The following STPG2 variants were observed in gnomAD, a reference collection of about 807,000 sequenced individuals.
STPG2 encodes sperm tail PG-rich repeat containing 2, also known as sperm-tail PG-rich repeat-containing protein 2.
Under a neutral mutation model 54.2 loss-of-function variants are expected in STPG2, and 56 were observed. The observed-to-expected ratio is 1.03, with a 90% CI of 0.83 to 1.29. STPG2 has a LOEUF of 1.29. Ranked by LOEUF, STPG2 falls within the 50% of genes most tolerant of loss-of-function variation. The pLI is 0.00. For missense variants in STPG2, 596 were observed against 544.9 expected (o/e 1.09, Z -0.93); for synonymous variants, 200 against 181.8 (o/e 1.10, Z -0.81).
chr4:98,115,779 G>A (rs1739500697), intron 3 of STPG2, among the ~76,000 whole-genome samples: 1 of 151,952 alleles, frequency 6.6e-6, no homozygotes, highest in South Asian at 2.1e-4. Flanking sequence ...AGTTTGTGAA[G>A]AACCTGTGTT....
chr4:97,861,291 G>C (rs1304421651), intron 8 of STPG2, among the ~76,000 whole-genome samples: 1 of 152,032 alleles, frequency 6.6e-6, no homozygotes, highest in Non-Finnish European at 1.5e-5. Context: ...ACTATAATGA[G>C]ATATCATCTC....
chr4:97,578,936 A>G (rs1444757378), intron 10 of STPG2, among the ~76,000 whole-genome samples: 1 of 152,156 alleles, frequency 6.6e-6, no homozygotes, highest in African/African-American at 2.4e-5. Context: ...AGAATTAATT[A>G]AGATTTAAGA....
At chr4:98,045,266 T>A (rs1327660604) in intron 5 of STPG2, among the ~76,000 whole-genome samples, 1 of 152,156 alleles carries the variant, frequency 6.6e-6, no homozygotes, top group Admixed American at 6.6e-5. Flanking sequence ...GACTAGAACC[T>A]CCACTGCACG....
chr4:97,628,094 A>C (rs1415395758), intron 10 of STPG2, among the ~76,000 whole-genome samples: 3 of 152,172 alleles, frequency 2.0e-5, no homozygotes, highest in Admixed American at 2.0e-4. Flanking sequence ...ATAATGTTTA[A>C]TCTGGGCACC....
chr4:97,623,934 C>T (rs537114113), intron 10 of STPG2, among the ~76,000 whole-genome samples: 21 of 152,212 alleles, frequency 1.4e-4, no homozygotes, highest in South Asian at 8.3e-4. Flanking sequence ...TAATGGCTTC[C>T]GGCTCCATCC....
chr4:97,873,048 C>G (rs1416408750), intron 8 of STPG2, among the ~76,000 whole-genome samples: 1 of 151,156 alleles, frequency 6.6e-6, no homozygotes, highest in Non-Finnish European at 1.5e-5. Flanking sequence ...TTTCAGCACA[C>G]AGAGCTAGGA....
chr4:97,907,288 T>C (rs1731470509), intron 8 of STPG2, among the ~76,000 whole-genome samples: 1 of 151,446 alleles, frequency 6.6e-6, no homozygotes, highest in Non-Finnish European at 1.5e-5. Flanking sequence ...GAGAATAAAA[T>C]ACCTAGGAAT....
At chr4:97,806,950 G>T (rs1423830263) in intron 9 of STPG2, among the ~76,000 whole-genome samples, 1 of 152,000 alleles carries the variant, frequency 6.6e-6, no homozygotes, top group Non-Finnish European at 1.5e-5. Flanking sequence ...TAACAGGTGA[G>T]CTAATTCACA....
At chr4:98,084,252 C>T (rs1306609187) in intron 5 of STPG2, among the ~76,000 whole-genome samples, 1 of 151,960 alleles carries the variant, frequency 6.6e-6, no homozygotes, top group Non-Finnish European at 1.5e-5. Context: ...TTGAGATTTG[C>T]CATGTGGTTT....
chr4:98,018,862 GTTGT>G (rs1231485983), intron 5 of STPG2, among the ~76,000 whole-genome samples: 8 of 150,912 alleles, frequency 5.3e-5, no homozygotes, highest in South Asian at 2.1e-4. Flanking sequence ...TTTTGATGGG[GTTGT>G]TTGTTTTTTT....
chr4:97,627,195 A>C (rs913822240), intron 10 of STPG2, among the ~76,000 whole-genome samples: 24 of 152,126 alleles, frequency 1.6e-4, no homozygotes, highest in Non-Finnish European at 3.2e-4. Flanking sequence ...AAAAACAGAT[A>C]TCTGGTAAAT....
At chr4:97,695,479 G>A (rs1723539636) in intron 10 of STPG2, among the ~76,000 whole-genome samples, 2 of 152,136 alleles carry the variant, frequency 1.3e-5, no homozygotes, top group Non-Finnish European at 2.9e-5. Context: ...ACATAGTGCT[G>A]GAAGTCCTAG....
At chr4:98,133,276 C>A (rs1465507163) in intron 2 of STPG2, among the ~76,000 whole-genome samples, 2 of 151,952 alleles carry the variant, frequency 1.3e-5, no homozygotes, top group Non-Finnish European at 2.9e-5. Context: ...AATTACAGTG[C>A]AATCATTTCA....
intron 5 of STPG2, among the ~76,000 whole-genome samples, chr4:97,994,849 C>T (rs1390779753): frequency 6.6e-6 from 1 of 152,106 alleles, no homozygotes; most frequent in Non-Finnish European, 1.5e-5. Flanking sequence ...GCAGTGGATG[C>T]AGCCATAGAG....
chr4:97,631,321 C>A (rs1011468239), intron 10 of STPG2, among the ~76,000 whole-genome samples: 2 of 151,912 alleles, frequency 1.3e-5, no homozygotes, highest in Admixed American at 1.3e-4. Context: ...CAACACAGTG[C>A]AAAAATATTC....
chr4:97,706,154 A>G (rs187286698), intron 10 of STPG2, among the ~76,000 whole-genome samples: 2 of 152,256 alleles, frequency 1.3e-5, no homozygotes, highest in East Asian at 3.9e-4. Context: ...TCTAACATAT[A>G]TAATATATAA....
chr4:98,088,715 T>C (rs575837903), intron 5 of STPG2, among the ~76,000 whole-genome samples: 1 of 151,248 alleles, frequency 6.6e-6, no homozygotes, highest in African/African-American at 2.4e-5. Flanking sequence ...AAGAGCTTAT[T>C]CTCTGCCTTC....
intron 9 of STPG2, among the ~76,000 whole-genome samples, chr4:97,829,640 G>A (rs772635432): frequency 3.3e-5 from 5 of 152,060 alleles, no homozygotes; most frequent in Admixed American, 6.6e-5. Context: ...AAGGTGAGAC[G>A]AATTGTTAAA....
At chr4:97,623,974 C>T (rs868431874) in intron 10 of STPG2, among the ~76,000 whole-genome samples, 4 of 152,090 alleles carry the variant, frequency 2.6e-5, no homozygotes, top group Admixed American at 2.0e-4. Flanking sequence ...AATCTCATTC[C>T]TTTTTATGGC....
Sources: gnomAD v4.1 joint callset for allele counts (sites outside exome capture counted in the v4.1 genomes callset) on GRCh38, gnomAD v4.1.1 for gene constraint, MANE v1.5 for transcripts, NCBI Gene and HGNC (gene_info 2026-07-23, HGNC 2026-07-21) for gene names.